SYT16: variants seen among roughly 807,000 people sequenced by gnomAD.
The protein encoded by SYT16 is synaptotagmin 16.
SYT16 carries 42 observed loss-of-function variants against 61.4 expected under a neutral mutation model. That is an observed-to-expected ratio of 0.68 (90% confidence interval 0.53 to 0.89). The LOEUF (loss-of-function observed/expected upper bound fraction) is 0.89. SYT16 is among the 40% of genes least tolerant of loss of function. The pLI is 0.00. For synonymous variants in SYT16, 314 were observed against 302.3 expected (o/e 1.04, Z -0.40); for missense variants, 804 against 807.3 (o/e 1.00, Z 0.05).
chr14:62,058,389 G>C (rs2055665995), intron 3 of SYT16, among the ~76,000 whole-genome samples: 1 of 135,426 alleles, frequency 7.4e-6, no homozygotes, highest in Non-Finnish European at 1.5e-5. Context: ...CTGTCACCCA[G>C]CTCTGTCACC....
chr14:61,970,523 A>G (rs2051500516), intron 2 of SYT16, among the ~76,000 whole-genome samples: 1 of 152,176 alleles, frequency 6.6e-6, no homozygotes, highest in African/African-American at 2.4e-5. Flanking sequence ...TCCTCTGATG[A>G]ATGCTTGGAG....
chr14:61,989,279 T>C (rs554850090), intron 2 of SYT16, among the ~76,000 whole-genome samples: 1 of 152,318 alleles, frequency 6.6e-6, no homozygotes, highest in East Asian at 1.9e-4. Context: ...TGGGCTCTGT[T>C]ATAGCTGCTT....
chr14:61,908,927 A>G (rs536606652), intron 1 of SYT16, among the ~76,000 whole-genome samples: 1 of 152,108 alleles, frequency 6.6e-6, no homozygotes, highest in Non-Finnish European at 1.5e-5. Flanking sequence ...GGCTCAAGTG[A>G]TCCTCCCACC....
intron 3 of SYT16, among the ~76,000 whole-genome samples, chr14:62,046,059 G>A (rs2140869119): frequency 6.6e-6 from 1 of 152,296 alleles, no homozygotes; most frequent in East Asian, 1.9e-4. Context: ...CTAGTTTACA[G>A]TCCCACCAAC....
intron 1 of SYT16, among the ~76,000 whole-genome samples, chr14:61,833,355 C>T (rs1160174735): frequency 1.3e-5 from 2 of 148,638 alleles, no homozygotes; most frequent in Admixed American, 6.7e-5. Context: ...TGCGATGGCT[C>T]GATCTCAGCT....
chr14:61,873,688 G>C (rs2047400931), intron 1 of SYT16, among the ~76,000 whole-genome samples: 1 of 152,200 alleles, frequency 6.6e-6, no homozygotes, highest in African/African-American at 2.4e-5. Context: ...ATATTCACAG[G>C]AGTGCTAAAA....
chr14:61,992,344 A>G (rs905650734), intron 2 of SYT16, among the ~76,000 whole-genome samples: 1 of 152,098 alleles, frequency 6.6e-6, no homozygotes, highest in Non-Finnish European at 1.5e-5. Flanking sequence ...CTTTACAGCG[A>G]GGAGTGGTAA....
chr14:61,972,437 AG>A (rs1336717693), intron 2 of SYT16, among the ~76,000 whole-genome samples: 1 of 152,248 alleles, frequency 6.6e-6, no homozygotes, highest in Non-Finnish European at 1.5e-5. Flanking sequence ...CATGAACAAA[AG>A]CTGTTCACTC....
At chr14:62,007,027 T>C (rs1307903515) in intron 3 of SYT16, among the ~76,000 whole-genome samples, 1 of 152,192 alleles carries the variant, frequency 6.6e-6, no homozygotes, top group Non-Finnish European at 1.5e-5. Context: ...GCTATGCTAA[T>C]GTAACATGGA....
chr14:61,939,290 T>A lies in SYT16; in HGVS notation c.-324-30842T>A, dbSNP rs531489058. Among the ~76,000 whole-genome samples, 3 of 152,278 alleles carry A rather than the reference T, an allele frequency of 2.0e-5. No homozygotes were observed. The South Asian group carries it at 6.2e-4, about 32-fold the overall frequency. On this transcript the variant is annotated intron_variant, in intron 1 of 7. Coordinates refer to ENST00000683842, the MANE Select transcript of SYT16 (RefSeq NM_001367656.1). ...CCCCAAAGCACTAACTGGCAGTCTG[T>A]TTTAGGGCCAGGAAGCACATGGTTG...
At position 61,970,887 on chromosome 14, in the gene SYT16, T is replaced by G. The variant is rs149614960; in HGVS notation, c.-145+576T>G. Among the ~76,000 whole-genome samples the G allele has an allele frequency of 6.7e-3, 1,027 of 152,246 alleles. 7 individuals are homozygous for G. Among genetic ancestry groups the G allele is most frequent in the Admixed American group, 0.011 (167 of 15,290 alleles). ...AGGGATGGTTATCATCACACAGATG[T>G]GGGACATTTAAAGAGAATACTCTTA... On this transcript the variant is annotated intron_variant, in intron 2 of 7. Coordinates refer to ENST00000683842, the MANE Select transcript of SYT16 (RefSeq NM_001367656.1).
intron 1 of SYT16, among the ~76,000 whole-genome samples, chr14:61,887,184 T>C (rs994944850): frequency 6.6e-6 from 1 of 152,208 alleles, no homozygotes; most frequent in African/African-American, 2.4e-5. Context: ...GGTGACAAGG[T>C]GTACTATCAG....
At chr14:62,071,690 C>T (rs920348568) in intron 4 of SYT16, among the ~76,000 whole-genome samples, 6 of 152,124 alleles carry the variant, frequency 3.9e-5, no homozygotes, top group Non-Finnish European at 2.9e-5. Flanking sequence ...TAAGCATGCA[C>T]TCCAGAGAGG....
chr14:61,957,600 T>A (rs1311365222), intron 1 of SYT16, among the ~76,000 whole-genome samples: 1 of 151,788 alleles, frequency 6.6e-6, no homozygotes, highest in Non-Finnish European at 1.5e-5. Context: ...ATGAGGCATA[T>A]TTCATGGATT....
chr14:61,815,435 A>G (rs1193646626), intron 1 of SYT16, among the ~76,000 whole-genome samples: 1 of 152,198 alleles, frequency 6.6e-6, no homozygotes, highest in Non-Finnish European at 1.5e-5. Context: ...TGAGGGAAAA[A>G]TTGGTTCTAA....
At position 62,109,726 on chromosome 14, in the gene SYT16, T is replaced by C. The variant is rs961257953; in HGVS notation, c.*9019T>C. 1 of 152,136 alleles carries C rather than the reference T, an allele frequency of 6.6e-6. No individual in the cohort carries two copies. Among genetic ancestry groups the C allele is most frequent in the African/African-American group, 2.4e-5 (1 of 41,458 alleles). The allele number at this position is 152,136 out of a possible 1,614,324, so 9.4% of individuals were successfully genotyped here. A position where few individuals can be genotyped will look rare whatever the true frequency, so the allele number is the denominator to read the frequency against. ...CTCTGTAGTGTCTTTTGTTGAGCAA[T>C]GAGTTAAATACCTGTCGATAAAAAG... On this transcript the variant is annotated 3_prime_UTR_variant, in exon 8 of 8. Coordinates refer to ENST00000683842, the MANE Select transcript of SYT16 (RefSeq NM_001367656.1).
At chr14:61,901,244 A>G (rs530251166) in intron 1 of SYT16, among the ~76,000 whole-genome samples, 98 of 152,274 alleles carry the variant, frequency 6.4e-4, no homozygotes, top group Non-Finnish European at 1.0e-3. Context: ...GAAATGTACA[A>G]TCCTTATCTT....
At position 62,084,359 on chromosome 14, in the gene SYT16, G is replaced by A. The variant is rs374891288; in HGVS notation, c.1598G>A (p.Arg533Gln). The A allele has an allele frequency of 1.4e-5, 23 of 1,612,414 alleles. No homozygotes were observed. Among genetic ancestry groups the A allele is most frequent in the South Asian group, 3.3e-5 (3 of 90,972 alleles). Residue 533 changes from arginine (R) to glutamine (Q), a missense_variant, in exon 7 of 8, where the codon CGA (arginine) becomes CAA (glutamine). Transcript: ENST00000683842. ...GAAATGATCAAAGGCAGCCATTTCC[G>A]AAACCTCGCTGTTAACCGAGCACCT... is the stretch of plus-strand genomic sequence containing the variant. ...SVEMIKGSHF[R>Q]NLAVNRAPDT...
chr14:61,877,947 C>CCAGGCACA (rs1342295748), intron 1 of SYT16, among the ~76,000 whole-genome samples: 3 of 152,164 alleles, frequency 2.0e-5, no homozygotes, highest in East Asian at 3.9e-4. Context: ...GCAGAATGTC[C>CCAGGCACA]CAGGCACACA....
Sources: gnomAD v4.1 joint callset for allele counts (sites outside exome capture counted in the v4.1 genomes callset) on GRCh38, gnomAD v4.1.1 for gene constraint, MANE v1.5 for transcripts, NCBI Gene and HGNC (gene_info 2026-07-23, HGNC 2026-07-21) for gene names.